The following TNFAIP8 variants were observed in gnomAD, a reference collection of about 807,000 sequenced individuals.
TNFAIP8 encodes TNF alpha induced protein 8, also known as tumor necrosis factor alpha-induced protein 8.
A neutral mutation model predicts 13.3 loss-of-function variants in TNFAIP8; 7 were observed. The observed-to-expected ratio is 0.52, with a 90% CI of 0.30 to 0.99. The LOEUF is 0.99. TNFAIP8 is among the 50% of genes least tolerant of loss of function. The probability of loss-of-function intolerance (pLI) is 0.07; values close to 1 mark genes in which losing one functional copy is unlikely to be tolerated. For missense variants in TNFAIP8, 258 were observed against 236.9 expected (o/e 1.09, Z -0.58); for synonymous variants, 94 against 87.6 (o/e 1.07, Z -0.41).
intron 1 of TNFAIP8, among the ~76,000 whole-genome samples, chr5:119,364,841 GTTTTTTTT>G (rs10714712): frequency 5.6e-5 from 5 of 88,710 alleles, no homozygotes; most frequent in African/African-American, 1.4e-4. Context: ...TTTCTTTTCA[GTTTTTTTT>G]TTTTTTTTTT....
intron 1 of TNFAIP8, among the ~76,000 whole-genome samples, chr5:119,281,306 A>ACACACACACACACACACACTCTCTCTCT: frequency 3.7e-4 from 42 of 114,212 alleles, no homozygotes; most frequent in Admixed American, 2.5e-3. Flanking sequence ...ACACACACAC[A>ACACACACACACACACACACTCTCTCTCT]CTCTCTCTCT....
In TNFAIP8 at chr5:119,356,140, C is replaced by G. The variant is rs562934498; in HGVS notation, c.31+19C>G. On this transcript the variant is annotated intron_variant, in intron 1 of 1. Transcript: ENST00000504771. The stretch of plus-strand genomic sequence containing the variant: ...AAGGAAGGTAGGATTCTGGTTTCTC[C>G]TGGGGGCCGGCCAAGTTCTGCGGAG... 5 of 1,567,854 alleles carry G rather than the reference C, an allele frequency of 3.2e-6. No individual in the cohort carries two copies. In the East Asian group the frequency reaches 9.4e-5, roughly 30 times the overall value.
intron 1 of TNFAIP8, among the ~76,000 whole-genome samples, chr5:119,296,041 T>A (rs1749164860): frequency 6.7e-6 from 1 of 149,536 alleles, no homozygotes; most frequent in African/African-American, 2.5e-5. Flanking sequence ...GACAATGGGG[T>A]TTTCTAGATA....
chr5:119,375,789 T>G (rs1362254177), intron 1 of TNFAIP8, among the ~76,000 whole-genome samples: 1 of 152,188 alleles, frequency 6.6e-6, no homozygotes, highest in Non-Finnish European at 1.5e-5. Context: ...TTTAGGATCT[T>G]AAAGTAAGGA....
chr5:119,360,538 A>G (rs948369282), intron 1 of TNFAIP8, among the ~76,000 whole-genome samples: 1 of 152,232 alleles, frequency 6.6e-6, no homozygotes, highest in East Asian at 1.9e-4. Context: ...CCAAATACAC[A>G]TAGAATCACC....
intron 1 of TNFAIP8, among the ~76,000 whole-genome samples, chr5:119,384,344 G>A (rs1419509167): frequency 1.3e-5 from 2 of 152,118 alleles, no homozygotes; most frequent in African/African-American, 2.4e-5. Flanking sequence ...AATTAGCTGG[G>A]CGTGGTGGCA....
Position 119,395,415 on chromosome 5 carries a change from A to G in TNFAIP8, c.*2034A>G, listed in dbSNP as rs1753050001. 6.6e-6 allele frequency: 1 copy of G among 152,256 alleles called. No individual in the cohort carries two copies. The highest frequency in any genetic ancestry group is 2.1e-4 in the South Asian group (1 of 4,828). 9.4% of individuals were successfully genotyped at this position (152,256 alleles called of 1,614,324 possible). On this transcript the variant is annotated 3_prime_UTR_variant, in exon 2 of 2. Coordinates refer to ENST00000504771, the MANE Select transcript of TNFAIP8 (RefSeq NM_014350.4). ...AACGAAAGCCCTGGGCAGTCCATGG[A>G]TGCTTCTTGCTCATCTGTAGCTATA... is the stretch of plus-strand genomic sequence containing the variant.
Position 119,392,798 on chromosome 5 carries a change from C to T in TNFAIP8, c.32-18C>T, listed in dbSNP as rs185398250. On this transcript the variant is annotated intron_variant, in intron 1 of 1. Transcript: ENST00000504771. ...TTTACTAATTGTTAATTCTTTTCCT[C>T]TCTTTTTTTTTTTTTAGTGGCCACA... is the stretch of plus-strand genomic sequence containing the variant. The T allele has an allele frequency of 7.6e-4, 1,118 of 1,476,402 alleles. 1 individual carries two copies. The highest frequency in any genetic ancestry group is 8.8e-4 in the Middle Eastern group (5 of 5,704). 91.5% of individuals were successfully genotyped at this position (1,476,402 alleles called of 1,614,324 possible).
intron 1 of TNFAIP8, among the ~76,000 whole-genome samples, chr5:119,282,840 C>T (rs1748674392): frequency 6.6e-6 from 1 of 152,184 alleles, no homozygotes. Context: ...ATTTCTTGCC[C>T]ATCACAACCT....
chr5:119,280,284 A>C (rs1239325429), intron 1 of TNFAIP8, among the ~76,000 whole-genome samples: 3 of 151,664 alleles, frequency 2.0e-5, no homozygotes, highest in African/African-American at 7.3e-5. Context: ...TTATGGTTTT[A>C]TTACCCAAAT....
At chr5:119,357,988 A>G in intron 1 of TNFAIP8, among the ~76,000 whole-genome samples, 1 of 152,140 alleles carries the variant, frequency 6.6e-6, no homozygotes, top group East Asian at 1.9e-4. Context: ...GCTGTAATCT[A>G]GAACCTTCTG....
At chr5:119,322,624 A>G (rs56218678) in intron 1 of TNFAIP8, among the ~76,000 whole-genome samples, 5,396 of 152,064 alleles carry the variant, frequency 0.035, 314 homozygotes, top group African/African-American at 0.12. Context: ...GTCCTCCATA[A>G]TCCACTTTCC....
intron 1 of TNFAIP8, among the ~76,000 whole-genome samples, chr5:119,311,314 G>A (rs1749720969): frequency 6.6e-6 from 1 of 151,924 alleles, no homozygotes; most frequent in South Asian, 2.1e-4. Context: ...ATGAGTTACT[G>A]TGCCCGGCCT....
intron 1 of TNFAIP8, among the ~76,000 whole-genome samples, chr5:119,290,980 A>G (rs1255929005): frequency 6.6e-6 from 1 of 152,034 alleles, no homozygotes; most frequent in East Asian, 1.9e-4. Flanking sequence ...ATTATTAGTG[A>G]TGGGTCTTTG....
chr5:119,318,891 C>T (rs558462215), intron 1 of TNFAIP8, among the ~76,000 whole-genome samples: 9 of 152,088 alleles, frequency 5.9e-5, no homozygotes, highest in African/African-American at 1.4e-4. Context: ...AGTACTCTTA[C>T]GTGTTTGGGT....
chr5:119,320,661 G>A (rs1750027111), intron 1 of TNFAIP8, among the ~76,000 whole-genome samples: 1 of 151,846 alleles, frequency 6.6e-6, no homozygotes, highest in Non-Finnish European at 1.5e-5. Flanking sequence ...CATCCATCCC[G>A]GCCCCCTTCT....
intron 1 of TNFAIP8, among the ~76,000 whole-genome samples, chr5:119,323,299 A>G (rs1296774985): frequency 1.3e-5 from 2 of 152,196 alleles, no homozygotes; most frequent in South Asian, 2.1e-4. Context: ...AACAGGGCTT[A>G]TAAGATCCTT....
chr5:119,368,806 C>G (rs1751966729), intron 1 of TNFAIP8, among the ~76,000 whole-genome samples: 1 of 152,100 alleles, frequency 6.6e-6, no homozygotes, highest in East Asian at 1.9e-4. Flanking sequence ...AGGTTAAGTT[C>G]TTGTTCTGGG....
chr5:119,300,105 C>T (rs371214943), intron 1 of TNFAIP8, among the ~76,000 whole-genome samples: 17 of 152,352 alleles, frequency 1.1e-4, no homozygotes, highest in Middle Eastern at 3.4e-3. Flanking sequence ...GCGCACGGTG[C>T]GCTGCACCCA....
Sources: allele counts gnomAD v4.1 joint callset (sites outside exome capture counted in the v4.1 genomes callset), GRCh38; gene constraint gnomAD v4.1.1; transcripts MANE v1.5; gene names NCBI Gene and HGNC (gene_info 2026-07-23, HGNC 2026-07-21).